TASP1: variants seen among roughly 807,000 people sequenced by gnomAD.
TASP1 encodes the protein threonine aspartase 1.
Under a neutral mutation model 56.6 loss-of-function variants are expected in TASP1, and 16 were observed. The observed-to-expected ratio is 0.28, with a 90% CI of 0.19 to 0.43. The LOEUF (loss-of-function observed/expected upper bound fraction) is 0.43. TASP1 is among the 20% of genes least tolerant of loss of function. TASP1 has a pLI of 1.00. For synonymous variants in TASP1, 179 were observed against 184.2 expected, an observed-to-expected ratio of 0.97 and a Z score of 0.23; for missense variants, 393 against 511.6, an observed-to-expected ratio of 0.77 and a Z score of 2.24.
At chr20:13,143,609 T>G in the TASP1 span, among the ~76,000 whole-genome samples, 1 of 152,188 alleles carries the variant, frequency 6.6e-6, no homozygotes, top group Non-Finnish European at 1.5e-5. Context: ...AAGGCAAAAG[T>G]CTGGGGGGCT....
At position 13,516,004 on chromosome 20, in the gene TASP1, C is replaced by T. The variant is rs541968389; in HGVS notation, c.874+12429G>A. ...AAACATTCGTATGCTCAACCAAACC[C>T]TATTCCTAGCCAGTCGGCTCACTGA... On this transcript the variant is annotated intron_variant, in intron 10 of 13. Transcript: ENST00000337743. Among the ~76,000 whole-genome samples the T allele has an allele frequency of 1.4e-3, 220 of 152,258 alleles. 1 individual carries two copies. Among genetic ancestry groups the T allele is most frequent in the Non-Finnish European group, 2.2e-3 (150 of 68,012 alleles).
At chr20:13,601,730 A>C (rs1199865074) in intron 4 of TASP1, among the ~76,000 whole-genome samples, 1 of 152,094 alleles carries the variant, frequency 6.6e-6, no homozygotes, top group Non-Finnish European at 1.5e-5. Context: ...CCCAGCAAAC[A>C]CTACACTGTG....
chr20:13,550,623 C>T (rs1342712569), intron 8 of TASP1, among the ~76,000 whole-genome samples: 2 of 152,030 alleles, frequency 1.3e-5, no homozygotes, highest in Non-Finnish European at 2.9e-5. Context: ...TATTCATATA[C>T]TAATCAACTT....
intron 10 of TASP1, among the ~76,000 whole-genome samples, chr20:13,527,715 G>A (rs1416304109): frequency 3.3e-5 from 5 of 151,974 alleles, no homozygotes; most frequent in Admixed American, 6.6e-5. Flanking sequence ...TAAAAGTGTC[G>A]TTCAAGGACT....
chr20:13,628,206 G>C (rs1305595572), intron 2 of TASP1, among the ~76,000 whole-genome samples: 5 of 152,188 alleles, frequency 3.3e-5, no homozygotes, highest in Non-Finnish European at 7.3e-5. Flanking sequence ...CTGTGTCTAA[G>C]ACAGGAGGGA....
At chr20:13,105,093 C>T in the TASP1 span, among the ~76,000 whole-genome samples, 1 of 152,234 alleles carries the variant, frequency 6.6e-6, no homozygotes, top group East Asian at 1.9e-4. Context: ...ATCACAATCC[C>T]TTAAATCTGC....
intron 10 of TASP1, among the ~76,000 whole-genome samples, chr20:13,512,577 T>G (rs2044376034): frequency 6.7e-6 from 1 of 148,680 alleles, no homozygotes; most frequent in Non-Finnish European, 1.5e-5. Context: ...ATAGTAGTTT[T>G]TTTGCTGTGC....
chr20:13,493,087 G>C (rs2043595342), intron 10 of TASP1, among the ~76,000 whole-genome samples: 1 of 151,970 alleles, frequency 6.6e-6, no homozygotes, highest in Non-Finnish European at 1.5e-5. Context: ...TCCATAAATA[G>C]GAAAGGTTCC....
the TASP1 span, among the ~76,000 whole-genome samples, chr20:13,183,521 A>G: frequency 6.6e-6 from 1 of 152,224 alleles, no homozygotes; most frequent in Admixed American, 6.5e-5. Flanking sequence ...AAAGAGAAAC[A>G]CACATGGATT....
intron 10 of TASP1, among the ~76,000 whole-genome samples, chr20:13,493,983 T>C (rs1340981307): frequency 6.6e-6 from 1 of 152,222 alleles, no homozygotes; most frequent in Non-Finnish European, 1.5e-5. Context: ...AAAAGTGGTA[T>C]TCTTATCTAT....
the TASP1 span, among the ~76,000 whole-genome samples, chr20:13,320,003 C>A: frequency 6.6e-6 from 1 of 152,210 alleles, no homozygotes. Flanking sequence ...GGGTTGGGGG[C>A]TGGAGAGTCT....
chr20:13,358,081 G>T, the TASP1 span, among the ~76,000 whole-genome samples: 43,415 of 151,458 alleles, frequency 0.29, 7,149 homozygotes, highest in African/African-American at 0.45. Context: ...AAAGTCCTTT[G>T]CCTGGCTCAT....
chr20:13,350,190 T>C, the TASP1 span, among the ~76,000 whole-genome samples: 1 of 150,070 alleles, frequency 6.7e-6, no homozygotes, highest in East Asian at 1.9e-4. Context: ...TTAAAATATA[T>C]GCAGAATCTG....
At chr20:13,393,741 C>A in intron 13 of TASP1, 1 of 735,606 alleles carries the variant, frequency 1.4e-6, no homozygotes, top group Non-Finnish European at 2.3e-6. Flanking sequence ...TGCTGGGAGT[C>A]CCTGCCCACA....
the TASP1 span, among the ~76,000 whole-genome samples, chr20:13,227,003 G>A: frequency 6.6e-6 from 1 of 152,242 alleles, no homozygotes; most frequent in African/African-American, 2.4e-5. Flanking sequence ...CATAGTGCAA[G>A]GACATAAAGT....
intron 10 of TASP1, among the ~76,000 whole-genome samples, chr20:13,501,954 C>T (rs973114660): frequency 1.3e-5 from 2 of 151,732 alleles, no homozygotes; most frequent in African/African-American, 4.8e-5. Flanking sequence ...ATAAAAGTGT[C>T]AATTATGAAA....
At chr20:13,247,517 GGTGTGTGTGTGTGT>G in the TASP1 span, among the ~76,000 whole-genome samples, 2 of 139,912 alleles carry the variant, frequency 1.4e-5, no homozygotes, top group African/African-American at 2.7e-5. Flanking sequence ...CAAAGTGAGG[GGTGTGTGTGTGTGT>G]GTGTGTGTGT....
At chr20:13,626,024 T>G (rs1168627896) in intron 2 of TASP1, among the ~76,000 whole-genome samples, 2 of 152,188 alleles carry the variant, frequency 1.3e-5, no homozygotes, top group Non-Finnish European at 2.9e-5. Flanking sequence ...CCTTAAACTC[T>G]CTTAATTAGG....
rs397942980 is a variant in TASP1 at position 13,528,219 on chromosome 20, C to CAAAAAAAA, written c.874+206_874+213dup. Among the ~76,000 whole-genome samples the CAAAAAAAA allele has an allele frequency of 8.5e-4, 46 of 54,324 alleles. 1 individual carries two copies. Among genetic ancestry groups the CAAAAAAAA allele is most frequent in the South Asian group, 1.1e-3 (1 of 946 alleles). 35.6% of individuals were successfully genotyped at this position (54,324 alleles called of 152,430 possible). ...ATGGGGACAGAGTGAGACTCTGACT[C>CAAAAAAAA]AAAAAAAAAAAAAAAAAAAAAAAAA... On this transcript the variant is annotated intron_variant, in intron 10 of 13. Coordinates refer to ENST00000337743, the MANE Select transcript of TASP1 (RefSeq NM_017714.3).
Sources: gnomAD v4.1 joint callset for allele counts (sites outside exome capture counted in the v4.1 genomes callset) on GRCh38, gnomAD v4.1.1 for gene constraint, MANE v1.5 for transcripts, NCBI Gene and HGNC (gene_info 2026-07-23, HGNC 2026-07-21) for gene names.